The following YY1AP1 variants were observed in gnomAD, a reference collection of about 807,000 sequenced individuals.
YY1AP1 encodes the protein YY1 associated protein 1, also known as YY1-associated protein 1.
A neutral mutation model predicts 39.9 loss-of-function variants in YY1AP1; 43 were observed. The observed-to-expected ratio is 1.08, with a 90% CI of 0.84 to 1.39. The LOEUF is 1.39. YY1AP1 is among the 40% of genes most tolerant of loss of function. The pLI, the probability that YY1AP1 is intolerant of heterozygous loss-of-function variation, is 0.00. For synonymous variants in YY1AP1, 292 were observed against 331.3 expected (o/e 0.88, Z 1.29); for missense variants, 813 against 900.7 (o/e 0.90, Z 1.25).
At chr1:155,667,881 G>A (rs778851240) in intron 9 of YY1AP1, among the ~76,000 whole-genome samples, 19 of 151,846 alleles carry the variant, frequency 1.3e-4, no homozygotes, top group African/African-American at 3.9e-4. Context: ...GGGCCTGGGC[G>A]ACAAGAGCGA....
In YY1AP1 at chr1:155,672,751, G is replaced by A. The variant is rs1571339302; in HGVS notation, c.412-20C>T. 6.2e-7 allele frequency: 1 copy of A among 1,614,138 alleles called. No homozygotes were observed. The highest frequency in any genetic ancestry group is 1.6e-4 in the Middle Eastern group (1 of 6,062). On this transcript the variant is annotated intron_variant, in intron 6 of 10. Transcript: ENST00000355499. ...CTCTTTCTGGGAAAACACGACACAA[G>A]GAAGATCTAAGACAATTCCAGACAA...
chr1:155,663,460 C>G (rs1371809955), intron 9 of YY1AP1, among the ~76,000 whole-genome samples: 19 of 151,950 alleles, frequency 1.3e-4, no homozygotes. Flanking sequence ...GTGGCCCACA[C>G]CTGTAATCCC....
intron 7 of YY1AP1, 164 bp downstream of exon 7, chr1:155,672,396 T>C (rs1649998174): frequency 4.8e-6 from 4 of 838,776 alleles, no homozygotes; most frequent in Middle Eastern, 3.4e-4. Flanking sequence ...TTCTAGAACT[T>C]GGATAATGAG....
intron 7 of YY1AP1, among the ~76,000 whole-genome samples, chr1:155,671,650 T>C (rs1195723711): frequency 6.6e-6 from 1 of 152,178 alleles, no homozygotes; most frequent in Admixed American, 6.5e-5. Context: ...CACCTCTGCA[T>C]TTCTAGAGAC....
chr1:155,688,734 A>C lies in YY1AP1; in HGVS notation c.-227T>G, dbSNP rs867985922. On this transcript the variant is annotated 5_prime_UTR_variant, in exon 1 of 11. Coordinates refer to ENST00000355499, the MANE Select transcript of YY1AP1 (RefSeq NM_139119.3). ...CTCCCTCCCCGCCCGCACGGCCACC[A>C]ACCGCCGCCAAAGCAGCCGCCGCCA... is the stretch of plus-strand genomic sequence containing the variant. The C allele has an allele frequency of 6.7e-6, 10 of 1,501,238 alleles. No individual in the cohort carries two copies. The highest frequency in any genetic ancestry group is 1.2e-5 in the South Asian group (1 of 81,444). 93.0% of individuals were successfully genotyped at this position (1,501,238 alleles called of 1,614,324 possible).
upstream of YY1AP1, chr1:155,688,829 G>T (rs1653186077): frequency 1.3e-6 from 2 of 1,576,144 alleles, no homozygotes; most frequent in Admixed American, 1.9e-5. Context: ...TCCATTCCTG[G>T]CGGCTGCAGG....
In YY1AP1 at chr1:155,672,788, A is replaced by G. The variant is rs532007221; in HGVS notation, c.412-57T>C. The G allele has an allele frequency of 1.5e-4, 249 of 1,613,064 alleles. 3 individuals are homozygous for G. Among genetic ancestry groups the G allele is most frequent in the Middle Eastern group, 1.3e-3 (8 of 6,060 alleles). On this transcript the variant is annotated intron_variant, in intron 6 of 10. Coordinates refer to ENST00000355499, the MANE Select transcript of YY1AP1 (RefSeq NM_139119.3). ...ACAATTCCAGACAATTAATACCAAT[A>G]GCCTTCAGAATCTAAATGAGAAGCT... is the stretch of plus-strand genomic sequence containing the variant.
intron 9 of YY1AP1, among the ~76,000 whole-genome samples, chr1:155,662,327 C>G (rs1210375155): frequency 6.6e-6 from 1 of 150,934 alleles, no homozygotes; most frequent in Non-Finnish European, 1.5e-5. Context: ...TCCATCTCTA[C>G]TAAAAATACA....
rs745427442 is a variant in YY1AP1, at chr1:155,659,930, C to A, written c.1980G>T (p.Glu660Asp). ...NAFQGLEPKLEPQELSPLSAT... is the reference protein window; with the variant it reads ...NAFQGLEPKLDPQELSPLSAT... ...CAGAGAGAGGAGATAGTTCCTGGGG[C>A]TCTAATTTGGGTTCTAGGCCCTGAA... Residue 660 changes from glutamate (E) to aspartate (D), a missense_variant, in exon 11 of 11, where the codon GAG (glutamate) becomes GAT (aspartate). Glu to Asp is a conservative substitution (Grantham distance 45). Transcript: ENST00000355499. 1.2e-6 allele frequency: 2 copies of A among 1,614,204 alleles called. No individual in the cohort carries two copies. Among genetic ancestry groups the A allele is most frequent in the Admixed American group, 3.3e-5 (2 of 60,022 alleles).
intron 8 of YY1AP1, 60 bp downstream of exon 8, chr1:155,670,260 C>T (rs1649653701): frequency 1.2e-6 from 2 of 1,607,960 alleles, no homozygotes; most frequent in Non-Finnish European, 1.7e-6. Context: ...TTCCCCTAAA[C>T]TCCTCAAAGG....
chr1:155,687,107 T>C (rs187862237), intron 2 of YY1AP1, among the ~76,000 whole-genome samples: 40 of 152,362 alleles, frequency 2.6e-4, no homozygotes, highest in Admixed American at 8.5e-4. Flanking sequence ...ACAAAGAAAC[T>C]GAAAGAGCTT....
intron 3 of YY1AP1, 89 bp from the exon 4 acceptor site, chr1:155,679,601 C>T: frequency 6.2e-7 from 1 of 1,601,096 alleles, no homozygotes; most frequent in Non-Finnish European, 8.5e-7. Context: ...AAACTATAAA[C>T]AATACTTTAA....
upstream of YY1AP1, chr1:155,688,863 A>G (rs1653195354): frequency 6.2e-7 from 1 of 1,605,200 alleles, no homozygotes; most frequent in South Asian, 1.1e-5. Flanking sequence ...GGGACCGGCA[A>G]AGCGAGTCTG....
At chr1:155,669,688 A>G (rs1649559353) in intron 8 of YY1AP1, among the ~76,000 whole-genome samples, 1 of 152,190 alleles carries the variant, frequency 6.6e-6, no homozygotes. Context: ...ATATATACAT[A>G]TTTGCTGTTA....
upstream of YY1AP1, chr1:155,688,974 CA>C: frequency 6.2e-7 from 1 of 1,608,678 alleles, no homozygotes; most frequent in Non-Finnish European, 8.5e-7. Context: ...CCTCCTCCTC[CA>C]TGGGACCGCG....
At chr1:155,686,309 G>T (rs1332531242) in intron 2 of YY1AP1, among the ~76,000 whole-genome samples, 2 of 151,866 alleles carry the variant, frequency 1.3e-5, no homozygotes, top group Admixed American at 1.3e-4. Context: ...GCCCACCTCG[G>T]CCTCCCAAAG....
chr1:155,680,362 T>C, intron 3 of YY1AP1, 54 bp downstream of exon 3: 1 of 1,605,304 alleles, frequency 6.2e-7, no homozygotes, highest in Non-Finnish European at 8.5e-7. Flanking sequence ...AGGACACATT[T>C]TGTTGGAGAA....
At position 155,659,709 on chromosome 1, in the gene YY1AP1, A is replaced by G. The variant is rs200816738; in HGVS notation, c.2201T>C (p.Val734Ala). The G allele has an allele frequency of 3.7e-6, 6 of 1,614,130 alleles. No individual in the cohort carries two copies. In the African/African-American group the frequency reaches 8.0e-5, roughly 22 times the overall value. ...AGCATCTTCAGGTTCCATCTTGACAACTTCCTCTAAATCCCCAGGGGAAGA... is the reference window on the plus strand; with the variant it reads ...AGCATCTTCAGGTTCCATCTTGACAGCTTCCTCTAAATCCCCAGGGGAAGA... The part of the protein sequence containing the change: ...NNSSPGDLEE[V>A]VKMEPEDATE... Residue 734 changes from valine to alanine, a missense_variant, in exon 11 of 11, where the codon GTT becomes GCT. By Grantham distance (64) the Val-to-Ala change is moderately conservative (BLOSUM62 0). This residue lies in a region of YY1AP1 where 586 missense variants were observed against 647.4 expected (regional missense o/e 0.91). Transcript: ENST00000355499.
intron 8 of YY1AP1, 56 bp from the exon 9 acceptor site, chr1:155,668,833 C>T: frequency 1.2e-6 from 2 of 1,611,176 alleles, no homozygotes; most frequent in African/African-American, 1.3e-5. Context: ...TTCTAAAGGG[C>T]CTCCCCAGAC....
Sources: allele counts gnomAD v4.1 joint callset (sites outside exome capture counted in the v4.1 genomes callset), GRCh38; gene constraint gnomAD v4.1.1; regional missense constraint gnomAD v4.1.1; transcripts MANE v1.5; gene names NCBI Gene and HGNC (gene_info 2026-07-23, HGNC 2026-07-21).